The following BLOC1S2 variants were observed in gnomAD, a reference collection of about 807,000 sequenced individuals.
BLOC1S2 encodes biogenesis of lysosomal organelles complex 1 subunit 2.
Under a neutral mutation model 19.6 loss-of-function variants are expected in BLOC1S2, and 12 were observed. The observed-to-expected ratio is 0.61, with a 90% CI of 0.39 to 0.99. The LOEUF (loss-of-function observed/expected upper bound fraction) is 0.99, where lower values mean the gene tolerates loss of function less well. BLOC1S2 is among the 50% of genes least tolerant of loss of function. The pLI, the probability that BLOC1S2 is intolerant of heterozygous loss-of-function variation, is 0.00. For synonymous variants in BLOC1S2, 66 were observed against 64.1 expected (o/e 1.03, Z -0.14); for missense variants, 142 against 171.0 (o/e 0.83, Z 0.95).
intron 4 of BLOC1S2, among the ~76,000 whole-genome samples, chr10:100,277,735 G>GC (rs1564871974): frequency 7.7e-6 from 1 of 130,620 alleles, no homozygotes; most frequent in African/African-American, 2.9e-5. Flanking sequence ...CCGGCCAGCC[G>GC]CCCCGTCCGG....
chr10:100,282,938 C>G (rs973573820), intron 2 of BLOC1S2: 24 of 398,502 alleles, frequency 6.0e-5, no homozygotes, highest in African/African-American at 4.3e-4. Flanking sequence ...CAATCTCATC[C>G]TGCACAGCGT....
intron 4 of BLOC1S2, among the ~76,000 whole-genome samples, chr10:100,277,515 A>G (rs1847933330): frequency 1.0e-5 from 1 of 95,926 alleles, no homozygotes; most frequent in African/African-American, 4.3e-5. Context: ...TGGGGGGGTC[A>G]GCCCCCCGCC....
chr10:100,286,253 C>T (rs1228352278), intron 1 of BLOC1S2, 40 bp from the exon 2 acceptor site: 3 of 1,601,394 alleles, frequency 1.9e-6, no homozygotes, highest in Non-Finnish European at 2.6e-6. Flanking sequence ...CGCCTACACC[C>T]GGTGCTAATC....
intron 2 of BLOC1S2, among the ~76,000 whole-genome samples, chr10:100,282,212 C>T (rs1203731217): frequency 1.3e-5 from 2 of 152,224 alleles, no homozygotes; most frequent in Non-Finnish European, 1.5e-5. Flanking sequence ...CTCAAAAGCA[C>T]TCTCTCTATT....
chr10:100,277,536 T>A (rs1232319554), intron 4 of BLOC1S2, among the ~76,000 whole-genome samples: 5 of 44,964 alleles, frequency 1.1e-4, no homozygotes, highest in East Asian at 1.3e-3. Flanking sequence ...TGGCCAGCTG[T>A]CCCGTCCGGG....
At chr10:100,279,081 C>T (rs549183733) in intron 4 of BLOC1S2, among the ~76,000 whole-genome samples, 31 of 150,318 alleles carry the variant, frequency 2.1e-4, no homozygotes, top group African/African-American at 7.4e-4. Flanking sequence ...AGCAAGACCT[C>T]ATCTCTTATA....
Position 100,273,912 on chromosome 10 carries a change from G to A in BLOC1S2, c.*1550C>T, listed in dbSNP as rs1179878172. ...GAAGAAGGGGTAAGACTGATTCTAT[G>A]TTAAGATAGTAGAGTTACAGTTTAA... On this transcript the variant is annotated 3_prime_UTR_variant, in exon 5 of 5. Transcript: ENST00000370372. The A allele has an allele frequency of 6.6e-6, 1 of 151,746 alleles. No individual in the cohort carries two copies. Among genetic ancestry groups the A allele is most frequent in the African/African-American group, 2.4e-5 (1 of 41,232 alleles). The allele number at this position is 151,746 out of a possible 1,614,324, so 9.4% of individuals were successfully genotyped here. A position where few individuals can be genotyped will look rare whatever the true frequency, so the allele number is the denominator to read the frequency against.
chr10:100,278,893 C>G (rs1475289406), intron 4 of BLOC1S2, among the ~76,000 whole-genome samples: 1 of 151,878 alleles, frequency 6.6e-6, no homozygotes, highest in Non-Finnish European at 1.5e-5. Flanking sequence ...CGAGACCAGC[C>G]TGGGCAACAC....
At chr10:100,277,835 G>C (rs1847962007) in intron 4 of BLOC1S2, among the ~76,000 whole-genome samples, 1 of 135,792 alleles carries the variant, frequency 7.4e-6, no homozygotes, top group Non-Finnish European at 1.6e-5. Context: ...AGGGAGGTGG[G>C]GGAGTCAGCC....
In BLOC1S2 at chr10:100,273,944, T is replaced by C. The variant is rs558572627; in HGVS notation, c.*1518A>G. 1.3e-5 allele frequency: 2 copies of C among 152,318 alleles called. No individual in the cohort carries two copies. The highest frequency in any genetic ancestry group is 3.9e-4 in the East Asian group (2 of 5,186). 9.4% of individuals were successfully genotyped at this position (152,318 alleles called of 1,614,324 possible). On this transcript the variant is annotated 3_prime_UTR_variant, in exon 5 of 5. Transcript: ENST00000370372. ...TAGTAGAGTTACAGTTTAATTCTTT[T>C]GTTTTTTATTTAAGAAAAATGTTTA...
Position 100,275,754 on chromosome 10 carries a change from TCCACCAGGATGG to T in BLOC1S2, c.398-273_398-262del, listed in dbSNP as rs528903621. The stretch of plus-strand genomic sequence containing the variant: ...TGTCAACAGCACCTACTTAGACAGC[TCCACCAGGATGG>T]GGCACATCTGTCACTTGACCTATCG... On this transcript the variant is annotated intron_variant, in intron 4 of 4. Transcript: ENST00000370372. 3.0e-3 allele frequency among the ~76,000 whole-genome samples: 457 copies of T among 152,290 alleles called. 4 individuals are homozygous for T. The highest frequency in any genetic ancestry group is 0.011 in the African/African-American group (446 of 41,556).
At position 100,280,185 on chromosome 10, in the gene BLOC1S2, T is replaced by G. The variant is rs745528768; in HGVS notation, c.336A>C (p.Glu112Asp). The G allele has an allele frequency of 1.2e-6, 2 of 1,613,396 alleles. No individual in the cohort carries two copies. The highest frequency in any genetic ancestry group is 1.7e-6 in the Non-Finnish European group (2 of 1,179,538). ...CCTGCTCAAGAGCTGCTACCTGCTC[T>G]TCAATGACATTGATCTGATCCAGAT... ...QPYLDQINVIEEQVAALEQAA... is the reference protein window; with the variant it reads ...QPYLDQINVIDEQVAALEQAA... Residue 112 changes from glutamate to aspartate, a missense_variant, in exon 4 of 5, where the codon GAA (glutamate) becomes GAC (aspartate). Transcript: ENST00000370372.
intron 4 of BLOC1S2, among the ~76,000 whole-genome samples, chr10:100,276,982 A>G (rs1847897872): frequency 6.6e-6 from 1 of 150,480 alleles, no homozygotes; most frequent in African/African-American, 2.5e-5. Flanking sequence ...GGATGTGAGG[A>G]GCCCCTCTGC....
intron 2 of BLOC1S2, chr10:100,282,971 G>A (rs1848146210): frequency 2.5e-6 from 1 of 398,434 alleles, no homozygotes; most frequent in Admixed American, 4.4e-5. Context: ...CTACGAAAGT[G>A]ACTCCGAAAT....
intron 2 of BLOC1S2, among the ~76,000 whole-genome samples, chr10:100,284,087 T>C (rs2134365395): frequency 6.6e-6 from 1 of 152,356 alleles, no homozygotes; most frequent in Admixed American, 6.5e-5. Flanking sequence ...GCCATTGGTA[T>C]AGAAAACCAT....
intron 1 of BLOC1S2, 171 bp downstream of exon 1, chr10:100,286,434 C>T: frequency 6.8e-7 from 1 of 1,473,872 alleles, no homozygotes; most frequent in Non-Finnish European, 9.0e-7. Flanking sequence ...CCCGCTCATC[C>T]TGGCACCATC....
chr10:100,278,106 T>TG (rs71013436), intron 4 of BLOC1S2, among the ~76,000 whole-genome samples: 1,783 of 68,794 alleles, frequency 0.026, 136 homozygotes, highest in African/African-American at 0.059. Flanking sequence ...GGGAGGGAGG[T>TG]GGGGGGGCGG....
rs1032694067 is a variant in BLOC1S2, at chr10:100,286,619, T to A, written c.41A>T (p.Asp14Val). 10 of 1,612,484 alleles carry A rather than the reference T, an allele frequency of 6.2e-6. No homozygotes were observed. The African/African-American group carries it at 6.7e-5, about 11-fold the overall frequency. Residue 14 changes from aspartate to valine, a missense_variant, in exon 1 of 5, where the codon GAT becomes GTT. Coordinates refer to ENST00000370372, the MANE Select transcript of BLOC1S2 (RefSeq NM_173809.5). ...ATTCCGGGTACCTCGGGCGGGCTCA[T>A]CACTCCGGGTCGCCAGTACGCCCTC... ...AAEGVLATRS[D>V]EPARDDAAVE... is the part of the protein sequence containing the mutation.
Position 100,286,671 on chromosome 10 carries a change from C to G in BLOC1S2, c.-12G>C, listed in dbSNP as rs752999921. The G allele has an allele frequency of 5.0e-6, 8 of 1,608,674 alleles. No individual in the cohort carries two copies. The African/African-American group carries it at 1.1e-4, about 22-fold the overall frequency. On this transcript the variant is annotated 5_prime_UTR_variant, in exon 1 of 5. Coordinates refer to ENST00000370372, the MANE Select transcript of BLOC1S2 (RefSeq NM_173809.5). ...GCTGCCGCCGCCATAGCGGACCCCG[C>G]GCTGTTTCCGGGCCGGGGTGCTGCG...
Sources: allele counts gnomAD v4.1 joint callset (sites outside exome capture counted in the v4.1 genomes callset), GRCh38; gene constraint gnomAD v4.1.1; transcripts MANE v1.5; gene names NCBI Gene and HGNC (gene_info 2026-07-23, HGNC 2026-07-21).